The following SYCP1 variants were observed in gnomAD, a reference collection of about 807,000 sequenced individuals.
SYCP1 encodes the protein synaptonemal complex protein 1, also known as cancer/testis antigen 8.
Under a neutral mutation model 153.1 loss-of-function variants are expected in SYCP1, and 64 were observed. The ratio of observed to expected loss-of-function variants is 0.42; its 90% CI spans 0.34 to 0.51. SYCP1 has a LOEUF of 0.51. Among genes scored for constraint, SYCP1 ranks in the 20% least tolerant of loss-of-function variants. SYCP1 has a pLI of 0.06. For synonymous variants in SYCP1, 384 were observed against 341.8 expected, an observed-to-expected ratio of 1.12 and a Z score of -1.36; for missense variants, 997 against 1,049.0, an observed-to-expected ratio of 0.95 and a Z score of 0.68.
intron 8 of SYCP1, among the ~76,000 whole-genome samples, chr1:114,864,578 T>C (rs1557753509): frequency 6.6e-6 from 1 of 152,072 alleles, no homozygotes; most frequent in East Asian, 1.9e-4. Flanking sequence ...AACCCCCGCA[T>C]CCCAAGCTCA....
chr1:114,886,038 C>T (rs969119346), intron 13 of SYCP1, 87 bp from the exon 14 acceptor site: 6 of 797,396 alleles, frequency 7.5e-6, no homozygotes, highest in Non-Finnish European at 1.1e-5. Context: ...GGGAAAGGGG[C>T]AGTGAATGTA....
At chr1:114,866,761 A>G (rs1219099928) in intron 8 of SYCP1, among the ~76,000 whole-genome samples, 1 of 151,874 alleles carries the variant, frequency 6.6e-6, no homozygotes, top group Non-Finnish European at 1.5e-5. Context: ...TGTATCTAAA[A>G]AAAAAAAGTC....
At chr1:114,969,098 T>G (rs1672318481) in intron 27 of SYCP1, among the ~76,000 whole-genome samples, 1 of 152,136 alleles carries the variant, frequency 6.6e-6, no homozygotes, top group South Asian at 2.1e-4. Flanking sequence ...GGAGTCTTCC[T>G]ATATGAGGTG....
At chr1:114,864,315 T>C (rs1023450887) in intron 8 of SYCP1, among the ~76,000 whole-genome samples, 7 of 152,080 alleles carry the variant, frequency 4.6e-5, no homozygotes, top group Non-Finnish European at 8.8e-5. Context: ...CCATCTATTT[T>C]AGGAAAGAAT....
At chr1:114,963,901 G>T (rs1364851808) in intron 27 of SYCP1, among the ~76,000 whole-genome samples, 1 of 152,178 alleles carries the variant, frequency 6.6e-6, no homozygotes, top group Non-Finnish European at 1.5e-5. Flanking sequence ...TAATGGGATT[G>T]CTGGGTCAAA....
chr1:114,920,399 G>A (rs761944561), intron 20 of SYCP1, among the ~76,000 whole-genome samples: 13 of 152,028 alleles, frequency 8.6e-5, no homozygotes, highest in Admixed American at 3.3e-4. Flanking sequence ...GTGGCTTAAC[G>A]TATGGTCTGT....
rs1674206751 is a variant in SYCP1 at position 114,995,268 on chromosome 1, T to C, written c.*249T>C. On this transcript the variant is annotated 3_prime_UTR_variant, in exon 32 of 32. Coordinates refer to ENST00000369522, the MANE Select transcript of SYCP1 (RefSeq NM_003176.4). ...TTTTTCTTGTATTCATGAAAACTGTTTTTACTAAGTTTTCAAATTTGTAAA... is the reference window on the plus strand; with the variant it reads ...TTTTTCTTGTATTCATGAAAACTGTCTTTACTAAGTTTTCAAATTTGTAAA... 2.3e-5 allele frequency: 6 copies of C among 266,500 alleles called. No homozygotes were observed. The East Asian group carries it at 4.5e-4, about 20-fold the overall frequency. The allele number at this position is 266,500 out of a possible 1,614,324, so 16.5% of individuals were successfully genotyped here. A position where few individuals can be genotyped will look rare whatever the true frequency, so the allele number is the denominator to read the frequency against.
intron 29 of SYCP1, among the ~76,000 whole-genome samples, chr1:114,984,063 C>G (rs1253477599): frequency 2.6e-5 from 4 of 151,888 alleles, no homozygotes; most frequent in Non-Finnish European, 4.4e-5. Flanking sequence ...CCATACCTGG[C>G]TATGTTTTTT....
chr1:114,946,488 G>A, intron 26 of SYCP1, 107 bp downstream of exon 26: 1 of 610,190 alleles, frequency 1.6e-6, no homozygotes, highest in Non-Finnish European at 2.8e-6. Context: ...TATAGAATCA[G>A]AGTCTTAACT....
intron 21 of SYCP1, among the ~76,000 whole-genome samples, chr1:114,925,513 C>G (rs1228924976): frequency 6.6e-6 from 1 of 151,986 alleles, no homozygotes; most frequent in East Asian, 1.9e-4. Context: ...TAAATATTTC[C>G]CAGATATTTT....
intron 23 of SYCP1, among the ~76,000 whole-genome samples, chr1:114,930,835 TATGA>T (rs907499320): frequency 6.6e-6 from 1 of 151,840 alleles, no homozygotes; most frequent in Non-Finnish European, 1.5e-5. Context: ...CCAATATCCC[TATGA>T]ATATGAGTAT....
At chr1:114,857,166 A>T in intron 3 of SYCP1, 66 bp from the exon 4 acceptor site, 5 of 1,131,516 alleles carry the variant, frequency 4.4e-6, no homozygotes, top group Non-Finnish European at 3.7e-6. Context: ...AAGAGAAAAA[A>T]GAAAAAAAAA....
chr1:114,916,500 T>C (rs950802434), intron 20 of SYCP1, among the ~76,000 whole-genome samples: 5 of 152,018 alleles, frequency 3.3e-5, no homozygotes, highest in African/African-American at 7.2e-5. Flanking sequence ...ATTAATTTAT[T>C]GATAATTTAA....
At position 114,921,990 on chromosome 1, in the gene SYCP1, T is replaced by G. The variant is rs1025355919; in HGVS notation, c.1719-1459T>G. 3.9e-5 allele frequency among the ~76,000 whole-genome samples: 6 copies of G among 152,314 alleles called. No homozygotes were observed. The South Asian group carries it at 1.0e-3, about 26-fold the overall frequency. The stretch of plus-strand genomic sequence containing the variant: ...CTCTCTGGGCCTGTAAGGTTTCCAT[T>G]GAAAAGTCTGCTGCCAGACATACTA... On this transcript the variant is annotated intron_variant, in intron 20 of 31. Transcript: ENST00000369522.
intron 16 of SYCP1, among the ~76,000 whole-genome samples, chr1:114,902,290 T>C (rs1487194298): frequency 6.6e-6 from 1 of 152,028 alleles, no homozygotes; most frequent in Non-Finnish European, 1.5e-5. Context: ...GAGAAAAAGA[T>C]GTTTTTTTTT....
At chr1:114,992,078 T>C (rs904293192) in intron 30 of SYCP1, among the ~76,000 whole-genome samples, 2 of 151,802 alleles carry the variant, frequency 1.3e-5, no homozygotes, top group African/African-American at 4.8e-5. Flanking sequence ...TTTAAATACT[T>C]AGGAACAAAT....
At chr1:114,909,884 C>A (rs1038464033) in intron 16 of SYCP1, among the ~76,000 whole-genome samples, 7 of 152,064 alleles carry the variant, frequency 4.6e-5, no homozygotes, top group African/African-American at 1.7e-4. Flanking sequence ...TTTTTAGGTT[C>A]GCCCTACTTA....
At chr1:114,866,632 T>C (rs1024216261) in intron 8 of SYCP1, among the ~76,000 whole-genome samples, 2 of 152,160 alleles carry the variant, frequency 1.3e-5, no homozygotes, top group African/African-American at 4.8e-5. Context: ...GATGTTTCTT[T>C]TGCAGACATT....
rs779815602 is a variant in SYCP1 at position 114,886,248 on chromosome 1, G to C, written c.1129G>C (p.Val377Leu). The C allele has an allele frequency of 6.2e-7, 1 of 1,607,390 alleles. No homozygotes were observed. The highest frequency in any genetic ancestry group is 8.5e-7 in the Non-Finnish European group (1 of 1,177,106). ...AGCTAGAGCTGCTCATTCGTTTGTG[G>C]TTACTGAATTTGAAACTACTGTCTG... ...NKARAAHSFV[V>L]TEFETTVCSL... Residue 377 changes from valine (V) to leucine (L), a missense_variant, in exon 14 of 32, where the codon GTT (valine) becomes CTT (leucine). Coordinates refer to ENST00000369522, the MANE Select transcript of SYCP1 (RefSeq NM_003176.4).
Sources: gnomAD v4.1 joint callset for allele counts (sites outside exome capture counted in the v4.1 genomes callset) on GRCh38, gnomAD v4.1.1 for gene constraint, MANE v1.5 for transcripts, NCBI Gene and HGNC (gene_info 2026-07-23, HGNC 2026-07-21) for gene names.